Variants in RHBDD1 observed in about 807,000 individuals in gnomAD.
RHBDD1 encodes the protein rhomboid-related protein 4.
In RHBDD1, 38 loss-of-function variants were observed where a neutral mutation model predicts 36.3. The observed-to-expected ratio is 1.05, with a 90% CI of 0.81 to 1.37. The LOEUF is 1.37. RHBDD1 is among the 40% of genes most tolerant of loss of function. RHBDD1 has a pLI of 0.00. For missense variants in RHBDD1, 393 were observed against 377.6 expected, an observed-to-expected ratio of 1.04 and a Z score of -0.34; for synonymous variants, 151 against 136.5, an observed-to-expected ratio of 1.11 and a Z score of -0.74.
the RHBDD1 span, among the ~76,000 whole-genome samples, chr2:226,823,901 C>A: frequency 6.6e-6 from 1 of 152,108 alleles, no homozygotes; most frequent in African/African-American, 2.4e-5. Context: ...CAAACCCATT[C>A]CCACAATAAC....
At chr2:226,807,200 C>T in the RHBDD1 span, among the ~76,000 whole-genome samples, 4 of 151,960 alleles carry the variant, frequency 2.6e-5, no homozygotes, top group African/African-American at 4.8e-5. Context: ...GATAATTGAG[C>T]TAATGTTGTT....
At position 226,947,077 on chromosome 2, in the gene RHBDD1, C is replaced by A. The variant is rs1026017269; in HGVS notation, c.856+32726C>A. Among the ~76,000 whole-genome samples, 5 of 152,220 alleles carry A rather than the reference C, an allele frequency of 3.3e-5. No homozygotes were observed. The South Asian group carries it at 1.0e-3, about 32-fold the overall frequency. On this transcript the variant is annotated intron_variant, in intron 8 of 8. Coordinates refer to ENST00000392062, the MANE Select transcript of RHBDD1 (RefSeq NM_001167608.3). ...GTATTGTTCACTCTGATGGTAGTTTCTTTTGCTGTGCAGAAGCTCTTTAGT... is the reference window on the plus strand; with the variant it reads ...GTATTGTTCACTCTGATGGTAGTTTATTTTGCTGTGCAGAAGCTCTTTAGT...
Position 226,997,192 on chromosome 2 carries a change from A to G in RHBDD1, c.*1670A>G, listed in dbSNP as rs1959592362. 2 of 152,214 alleles carry G rather than the reference A, an allele frequency of 1.3e-5. No homozygotes were observed. Among genetic ancestry groups the G allele is most frequent in the African/African-American group, 2.4e-5 (1 of 41,436 alleles). The allele number at this position is 152,214 out of a possible 1,614,324, so 9.4% of individuals were successfully genotyped here. On this transcript the variant is annotated 3_prime_UTR_variant, in exon 9 of 9. Coordinates refer to ENST00000392062, the MANE Select transcript of RHBDD1 (RefSeq NM_001167608.3). ...CTCCTTTGGTTAATTTATAACTGAT[A>G]TAAAACTACATCTTCTTTATAATAT...
intron 3 of RHBDD1, among the ~76,000 whole-genome samples, chr2:226,847,719 C>T (rs1942371136): frequency 6.6e-6 from 1 of 152,220 alleles, no homozygotes; most frequent in South Asian, 2.1e-4. Context: ...TATCTGCAAA[C>T]GTCATTCTAC....
chr2:226,989,609 C>CT (rs1277687217), intron 8 of RHBDD1, among the ~76,000 whole-genome samples: 1 of 152,124 alleles, frequency 6.6e-6, no homozygotes, highest in East Asian at 1.9e-4. Flanking sequence ...ACTTTTCTTT[C>CT]TTTTTTTGGG....
intron 5 of RHBDD1, among the ~76,000 whole-genome samples, chr2:226,882,281 C>T (rs56912800): frequency 0.19 from 28,186 of 151,104 alleles, 4,352 homozygotes; most frequent in African/African-American, 0.42. Context: ...AATACAAAAA[C>T]TAGCTGGGCT....
chr2:226,818,556 C>A, the RHBDD1 span, among the ~76,000 whole-genome samples: 7 of 151,104 alleles, frequency 4.6e-5, no homozygotes, highest in South Asian at 2.1e-4. Context: ...AATCAGATGA[C>A]CTGGCCGGGT....
the RHBDD1 span, among the ~76,000 whole-genome samples, chr2:226,813,608 T>G: frequency 2.9e-4 from 44 of 152,368 alleles, no homozygotes; most frequent in African/African-American, 1.0e-3. Flanking sequence ...GCTCTGTCAC[T>G]TGCCATCATT....
chr2:226,807,199 G>A, the RHBDD1 span, among the ~76,000 whole-genome samples: 2 of 152,096 alleles, frequency 1.3e-5, no homozygotes, highest in Non-Finnish European at 1.5e-5. Flanking sequence ...TGATAATTGA[G>A]CTAATGTTGT....
intron 8 of RHBDD1, among the ~76,000 whole-genome samples, chr2:226,944,418 G>C (rs781224862): frequency 2.6e-5 from 4 of 152,150 alleles, no homozygotes; most frequent in Non-Finnish European, 4.4e-5. Context: ...GGGGGACACT[G>C]TCAGAGTTAA....
intron 5 of RHBDD1, among the ~76,000 whole-genome samples, chr2:226,898,143 A>G (rs1249011510): frequency 6.6e-6 from 1 of 152,034 alleles, no homozygotes; most frequent in African/African-American, 2.4e-5. Flanking sequence ...ACCTCCCTAT[A>G]CTCCTACAAG....
At chr2:226,901,865 T>C (rs1031360003) in intron 5 of RHBDD1, among the ~76,000 whole-genome samples, 2 of 152,190 alleles carry the variant, frequency 1.3e-5, no homozygotes, top group Admixed American at 6.5e-5. Flanking sequence ...ATGTAACTTG[T>C]GATTTTTTTA....
intron 6 of RHBDD1, chr2:226,908,427 G>C: frequency 5.5e-6 from 1 of 182,116 alleles, no homozygotes; most frequent in Admixed American, 5.5e-5. Flanking sequence ...AGGAAGGGTA[G>C]GGAGGATGGC....
At chr2:226,927,551 G>T (rs1949748026) in intron 8 of RHBDD1, among the ~76,000 whole-genome samples, 1 of 151,948 alleles carries the variant, frequency 6.6e-6, no homozygotes, top group Non-Finnish European at 1.5e-5. Flanking sequence ...ATAAGAATCT[G>T]CCTGTTTTCC....
At chr2:226,969,487 A>C (rs899883774) in intron 8 of RHBDD1, among the ~76,000 whole-genome samples, 1 of 148,612 alleles carries the variant, frequency 6.7e-6, no homozygotes, top group Non-Finnish European at 1.5e-5. Context: ...AATGTGTTGA[A>C]TACTTTGCCT....
At chr2:226,961,770 A>G (rs1331498114) in intron 8 of RHBDD1, among the ~76,000 whole-genome samples, 1 of 152,212 alleles carries the variant, frequency 6.6e-6, no homozygotes, top group Non-Finnish European at 1.5e-5. Context: ...CAGCTGGTGC[A>G]TACCTCGCAC....
intron 3 of RHBDD1, among the ~76,000 whole-genome samples, chr2:226,849,713 A>C (rs985256573): frequency 1.3e-5 from 2 of 150,298 alleles, no homozygotes; most frequent in African/African-American, 5.1e-5. Flanking sequence ...ATCTATGCCT[A>C]TATCTATATC....
At chr2:226,988,368 T>G in intron 8 of RHBDD1, 1 of 1,550,412 alleles carries the variant, frequency 6.4e-7, no homozygotes, top group Non-Finnish European at 8.7e-7. Context: ...GCAAGTCTCC[T>G]GGACCCCAAG....
chr2:226,964,264 A>G (rs746790820), intron 8 of RHBDD1, among the ~76,000 whole-genome samples: 2 of 152,208 alleles, frequency 1.3e-5, no homozygotes, highest in Non-Finnish European at 2.9e-5. Flanking sequence ...CATTAGTCCA[A>G]TAAAACAGTT....
Sources: gnomAD v4.1 joint callset for allele counts (sites outside exome capture counted in the v4.1 genomes callset) on GRCh38, gnomAD v4.1.1 for gene constraint, MANE v1.5 for transcripts, NCBI Gene and HGNC (gene_info 2026-07-23, HGNC 2026-07-21) for gene names.